Variants in SDC1 observed in about 807,000 individuals in gnomAD.
The protein encoded by SDC1 is syndecan-1.
SDC1 carries 14 observed loss-of-function variants against 29.7 expected under a neutral mutation model. The ratio of observed to expected loss-of-function variants is 0.47; its 90% CI spans 0.31 to 0.74. The LOEUF (loss-of-function observed/expected upper bound fraction) is 0.74, where lower values mean the gene tolerates loss of function less well. Ranked by LOEUF, SDC1 falls within the 30% of genes least tolerant of loss-of-function variation. The pLI is 0.05. For missense variants in SDC1, 406 were observed against 400.3 expected (o/e 1.01, Z -0.12); for synonymous variants, 204 against 175.5 (o/e 1.16, Z -1.29).
intron 1 of SDC1, among the ~76,000 whole-genome samples, chr2:20,205,748 T>C (rs762282905): frequency 6.6e-6 from 1 of 152,158 alleles, no homozygotes; most frequent in Admixed American, 6.5e-5. Context: ...GAGCTGTTAT[T>C]GGGAACAGAG....
In SDC1 at chr2:20,202,855, CCTT is replaced by C. The variant is rs773326748; in HGVS notation, c.841_843del (p.Lys281del). ...TCCTCCAAGGAGTAGCTGCCTTCGT[CCTT>C]CTTCTTCATGCGGTACAGCATGAAA... is the stretch of plus-strand genomic sequence containing the variant. On this transcript the variant is annotated inframe_deletion, in exon 5 of 5. Transcript: ENST00000254351. The C allele has an allele frequency of 1.4e-5, 23 of 1,613,820 alleles. No homozygotes were observed. The highest frequency in any genetic ancestry group is 3.3e-4 in the Middle Eastern group (2 of 6,082).
intron 1 of SDC1, chr2:20,207,843 G>A (rs2148285756): frequency 3.1e-6 from 2 of 642,598 alleles, no homozygotes; most frequent in Middle Eastern, 8.1e-4. Flanking sequence ...AAGCTGCCCT[G>A]GCCTCCCTCA....
chr2:20,204,112 C>T lies in SDC1; in HGVS notation c.328G>A (p.Val110Met). The change falls in exon 3 of 5, where the codon GTG becomes ATG. Residue 110 changes from valine (V) to methionine (M), a missense_variant. Val to Met is a conservative substitution (Grantham distance 21). Coordinates refer to ENST00000254351, the MANE Select transcript of SDC1 (RefSeq NM_002997.5). ...KEGEAVVLPE[V>M]EPGLTAREQE... ...TCCCGGGCGGTGAGGCCAGGCTCCA[C>T]TTCTGGCAGGACTACAGCCTCTCCC... 6.2e-7 allele frequency: 1 copy of T among 1,607,296 alleles called. No homozygotes were observed. The highest frequency in any genetic ancestry group is 1.3e-5 in the African/African-American group (1 of 74,972).
In SDC1 at chr2:20,224,375, C is replaced by T. The variant is rs1677923068; in HGVS notation, c.66+427G>A. The T allele has an allele frequency of 6.6e-6, 1 of 152,006 alleles. No individual in the cohort carries two copies. The highest frequency in any genetic ancestry group is 1.5e-5 in the Non-Finnish European group (1 of 68,386). 9.4% of individuals were successfully genotyped at this position (152,006 alleles called of 1,614,324 possible). On this transcript the variant is annotated intron_variant, in intron 1 of 4. Coordinates refer to ENST00000254351, the MANE Select transcript of SDC1 (RefSeq NM_002997.5). This position sits in a 1 kb window ranked among gnomAD's most constrained non-coding sequence, Gnocchi z 4.9. ...GCTCGGCGGCGCTGGGGCGCAAGCC[C>T]GCGGGTCTGGTTTGAATTAGGGTCT...
At chr2:20,223,866 T>C (rs1357148091) in intron 1 of SDC1, among the ~76,000 whole-genome samples, 3 of 152,148 alleles carry the variant, frequency 2.0e-5, no homozygotes, top group Non-Finnish European at 4.4e-5. Context: ...TCAGCCCCGC[T>C]GAAGGTGGAT....
intron 1 of SDC1, among the ~76,000 whole-genome samples, chr2:20,212,786 G>A (rs1393387099): frequency 2.0e-5 from 3 of 152,090 alleles, no homozygotes; most frequent in Non-Finnish European, 4.4e-5. Flanking sequence ...GAGAGGAGGA[G>A]CACCTTTCGG....
At chr2:20,214,166 G>A (rs972790810) in intron 1 of SDC1, among the ~76,000 whole-genome samples, 6 of 152,192 alleles carry the variant, frequency 3.9e-5, no homozygotes, top group Non-Finnish European at 7.3e-5. Flanking sequence ...AAATGTGGAT[G>A]CCAACAATGC....
At chr2:20,216,538 T>A (rs1677631613) in intron 1 of SDC1, among the ~76,000 whole-genome samples, 1 of 152,088 alleles carries the variant, frequency 6.6e-6, no homozygotes, top group African/African-American at 2.4e-5. Context: ...ACACTACAGA[T>A]AAGATGGGCC....
In SDC1 at chr2:20,212,739, T is replaced by C. The variant is rs139733606; in HGVS notation, c.67-7315A>G. On this transcript the variant is annotated intron_variant, in intron 1 of 4. Coordinates refer to ENST00000254351, the MANE Select transcript of SDC1 (RefSeq NM_002997.5). ...GCCCAGGGCAGGAGGGAGACAGAAATGGGCAGGAAGAGGAGGCTGTCCCCA... is the reference window on the plus strand; with the variant it reads ...GCCCAGGGCAGGAGGGAGACAGAAACGGGCAGGAAGAGGAGGCTGTCCCCA... Among the ~76,000 whole-genome samples, 618 of 151,826 alleles carry C rather than the reference T, an allele frequency of 4.1e-3. 9 individuals are homozygous for C. The highest frequency in any genetic ancestry group is 0.015 in the African/African-American group (603 of 41,374).
At chr2:20,203,593 C>T (rs984024350) in intron 3 of SDC1, among the ~76,000 whole-genome samples, 7 of 152,334 alleles carry the variant, frequency 4.6e-5, no homozygotes, top group African/African-American at 1.7e-4. Flanking sequence ...GTTTGGGGAG[C>T]CCTCTCTTGG....
chr2:20,205,428 G>A lies in SDC1; in HGVS notation c.67-4C>T. On this transcript the variant is annotated splice_polypyrimidine_tract_variant and splice_region_variant and intron_variant, in intron 1 of 4. Coordinates refer to ENST00000254351, the MANE Select transcript of SDC1 (RefSeq NM_002997.5). ...GCAAATTAGTAGCCACAATTTGCTGGAAAAGGATCAGAATATGGTATGAGT... is the reference window on the plus strand; with the variant it reads ...GCAAATTAGTAGCCACAATTTGCTGAAAAAGGATCAGAATATGGTATGAGT... 1 of 1,613,072 alleles carries A rather than the reference G, an allele frequency of 6.2e-7. No homozygotes were observed. Among genetic ancestry groups the A allele is most frequent in the Non-Finnish European group, 8.5e-7 (1 of 1,179,112 alleles).
intron 2 of SDC1, among the ~76,000 whole-genome samples, 199 bp from the exon 3 acceptor site, chr2:20,204,490 G>T (rs913508412): frequency 2.6e-5 from 4 of 152,056 alleles, no homozygotes; most frequent in Non-Finnish European, 5.9e-5. Flanking sequence ...CCTTCCCATT[G>T]TGTGTGTCCA....
At chr2:20,205,472 C>T in intron 1 of SDC1, 48 bp from the exon 2 acceptor site, 3 of 1,497,868 alleles carry the variant, frequency 2.0e-6, no homozygotes, top group Non-Finnish European at 2.8e-6. Context: ...GGCCGGGTCT[C>T]TGCTGCTCCT....
intron 1 of SDC1, among the ~76,000 whole-genome samples, chr2:20,206,559 G>A (rs1677278356): frequency 6.6e-6 from 1 of 152,174 alleles, no homozygotes; most frequent in Admixed American, 6.5e-5. Flanking sequence ...CTATTCACCT[G>A]CGAGACTTAG....
rs776524104 is a variant in SDC1, at chr2:20,204,144, G to A, written c.296C>T (p.Pro99Leu). The A allele has an allele frequency of 3.7e-6, 6 of 1,603,140 alleles. No individual in the cohort carries two copies. The highest frequency in any genetic ancestry group is 5.1e-6 in the Non-Finnish European group (6 of 1,179,860). Residue 99 changes from proline (P) to leucine (L), a missense_variant, in exon 3 of 5, where the codon CCC becomes CTC. Transcript: ENST00000254351. ...CAGGACTACAGCCTCTCCCTCCTTGGGCCCCTCTCCAGCCGGCAGGGTGGA... is the reference window on the plus strand; with the variant it reads ...CAGGACTACAGCCTCTCCCTCCTTGAGCCCCTCTCCAGCCGGCAGGGTGGA... ...STSTLPAGEG[P>L]KEGEAVVLPE...
chr2:20,220,713 G>A (rs1277318105), intron 1 of SDC1, among the ~76,000 whole-genome samples: 1 of 152,220 alleles, frequency 6.6e-6, no homozygotes, highest in Non-Finnish European at 1.5e-5. Flanking sequence ...GACTTGGAAG[G>A]AAAGTGACTC....
chr2:20,209,376 G>C (rs1677388734), intron 1 of SDC1, among the ~76,000 whole-genome samples: 1 of 152,134 alleles, frequency 6.6e-6, no homozygotes, highest in Non-Finnish European at 1.5e-5. Context: ...CTCCTCACCT[G>C]CCATCCCCTT....
chr2:20,217,827 G>A (rs988487532), intron 1 of SDC1, among the ~76,000 whole-genome samples: 1 of 152,126 alleles, frequency 6.6e-6, no homozygotes, highest in South Asian at 2.1e-4. Context: ...GCTGCTGAGC[G>A]GACCTCGGGC....
intron 1 of SDC1, among the ~76,000 whole-genome samples, chr2:20,209,085 T>C (rs1340953402): frequency 1.3e-5 from 2 of 152,086 alleles, no homozygotes; most frequent in African/African-American, 4.8e-5. Context: ...CCCATCTCCA[T>C]CTCAGCCATG....
Sources: gnomAD v4.1 joint callset for allele counts (sites outside exome capture counted in the v4.1 genomes callset) on GRCh38, gnomAD v4.1.1 for gene constraint, Gnocchi (gnomAD v3.1) non-coding constraint, MANE v1.5 for transcripts, NCBI Gene and HGNC (gene_info 2026-07-23, HGNC 2026-07-21) for gene names.